The following ITGBL1 variants were observed in gnomAD, a reference collection of about 807,000 sequenced individuals.
The protein encoded by ITGBL1 is integrin subunit beta like 1.
A neutral mutation model predicts 68.5 loss-of-function variants in ITGBL1; 51 were observed. The ratio of observed to expected loss-of-function variants is 0.74; its 90% confidence interval spans 0.59 to 0.94. The LOEUF (loss-of-function observed/expected upper bound fraction) is 0.94, where lower values mean the gene tolerates loss of function less well. Ranked by LOEUF, ITGBL1 falls within the 40% of genes least tolerant of loss-of-function variation. ITGBL1 has a pLI of 0.00. For synonymous variants in ITGBL1, 209 were observed against 227.3 expected, an observed-to-expected ratio of 0.92 and a Z score of 0.72; for missense variants, 649 against 647.4, an observed-to-expected ratio of 1.00 and a Z score of -0.03.
intron 2 of ITGBL1, among the ~76,000 whole-genome samples, chr13:101,521,970 T>C (rs2049292913): frequency 6.6e-6 from 1 of 151,868 alleles, no homozygotes; most frequent in Admixed American, 6.6e-5. Flanking sequence ...GACACCACCT[T>C]CTGCTGTGAC....
At chr13:101,475,483 G>A (rs955462939) in intron 2 of ITGBL1, among the ~76,000 whole-genome samples, 2 of 151,754 alleles carry the variant, frequency 1.3e-5, no homozygotes, top group Non-Finnish European at 2.9e-5. Context: ...AGGAGAAGGG[G>A]GAGAGAGAGA....
rs1372286973 is a variant in ITGBL1 at position 101,671,452 on chromosome 13, T to TTTTTTG, written c.1016-21129_1016-21128insTGTTTT. ...TTTTTTTTTTGTTTTTTTTTGTTTTTTTTTGAGACGGAGTCTCGCTCTGTC... is the reference window on the plus strand; with the variant it reads ...TTTTTTTTTTGTTTTTTTTTGTTTTTTTTTTGTTTTGAGACGGAGTCTCGCTCTGTC... On this transcript the variant is annotated intron_variant, in intron 7 of 10. Transcript: ENST00000376180. Among the ~76,000 whole-genome samples, 94 of 134,154 alleles carry TTTTTTG rather than the reference T, an allele frequency of 7.0e-4. 1 individual carries two copies. The highest frequency in any genetic ancestry group is 2.4e-3 in the African/African-American group (93 of 38,172). The allele number at this position is 134,154 out of a possible 152,430, so 88.0% of individuals were successfully genotyped here.
At chr13:101,515,584 T>C (rs1164004604) in intron 2 of ITGBL1, among the ~76,000 whole-genome samples, 1 of 152,090 alleles carries the variant, frequency 6.6e-6, no homozygotes, top group African/African-American at 2.4e-5. Context: ...TTTTTTTTTC[T>C]TTTTCTTTCA....
chr13:101,606,907 G>T (rs1280918557), intron 7 of ITGBL1, among the ~76,000 whole-genome samples: 1 of 151,934 alleles, frequency 6.6e-6, no homozygotes, highest in Non-Finnish European at 1.5e-5. Flanking sequence ...TAGGGAATGT[G>T]GTTAAGCCAA....
chr13:101,664,625 T>C (rs1047694570), intron 7 of ITGBL1, among the ~76,000 whole-genome samples: 5 of 152,202 alleles, frequency 3.3e-5, no homozygotes, highest in African/African-American at 1.2e-4. Flanking sequence ...ACTGTAACAT[T>C]AGCCCACCAT....
At chr13:101,464,001 C>G (rs187744762) in intron 2 of ITGBL1, among the ~76,000 whole-genome samples, 1 of 151,448 alleles carries the variant, frequency 6.6e-6, no homozygotes, top group African/African-American at 2.4e-5. Flanking sequence ...CTCCACCCCC[C>G]GGATTCAAAC....
chr13:101,668,969 AAGCTGTTGCT>A (rs1186124738), intron 7 of ITGBL1, among the ~76,000 whole-genome samples: 2 of 152,174 alleles, frequency 1.3e-5, no homozygotes, highest in East Asian at 3.8e-4. Context: ...GTATATTCAT[AAGCTGTTGCT>A]ATATGACAAA....
At chr13:101,697,039 A>AT (rs60831726) in intron 8 of ITGBL1, among the ~76,000 whole-genome samples, 23,089 of 147,208 alleles carry the variant, frequency 0.16, 2,780 homozygotes, top group East Asian at 0.32. Flanking sequence ...TATCGATTTC[A>AT]TTTTTTTTTT....
At chr13:101,605,158 G>A (rs1594923248) in intron 7 of ITGBL1, among the ~76,000 whole-genome samples, 1 of 69,440 alleles carries the variant, frequency 1.4e-5, no homozygotes, top group Non-Finnish European at 3.0e-5. Flanking sequence ...ATATGTGTGT[G>A]TATATGCGTA....
intron 6 of ITGBL1, among the ~76,000 whole-genome samples, chr13:101,588,702 A>AAAAAAACCTGATGT (rs2050600876): frequency 6.6e-6 from 1 of 151,988 alleles, no homozygotes; most frequent in Non-Finnish European, 1.5e-5. Flanking sequence ...TTAAAAAAAA[A>AAAAAAACCTGATGT]AAAAAACCTG....
chr13:101,597,287 G>A (rs2030028615), intron 6 of ITGBL1, among the ~76,000 whole-genome samples: 3 of 151,922 alleles, frequency 2.0e-5, no homozygotes, highest in Non-Finnish European at 4.4e-5. Flanking sequence ...TTGTTAGCGT[G>A]CTCTATAAAT....
Position 101,579,328 on chromosome 13 carries a change from G to C in ITGBL1, c.628G>C (p.Gly210Arg). 1.2e-6 allele frequency: 2 copies of C among 1,613,922 alleles called. No individual in the cohort carries two copies. Among genetic ancestry groups the C allele is most frequent in the East Asian group, 2.2e-5 (1 of 44,858 alleles). Reference sequence around the variant, plus strand: ...CTGTGGAAACTGCTACTGCAAGGCTGGTTGGCATGGAGATAAATGTGAATT... The same window carrying C: ...CTGTGGAAACTGCTACTGCAAGGCTCGTTGGCATGGAGATAAATGTGAATT... ...CYCGNCYCKA[G>R]WHGDKCEFQC... Residue 210 changes from glycine to arginine, a missense_variant, in exon 5 of 11, where the codon GGT becomes CGT. Coordinates refer to ENST00000376180, the MANE Select transcript of ITGBL1 (RefSeq NM_004791.3).
chr13:101,517,907 G>A (rs1177176755), intron 2 of ITGBL1, among the ~76,000 whole-genome samples: 2 of 152,134 alleles, frequency 1.3e-5, no homozygotes, highest in Admixed American at 6.5e-5. Flanking sequence ...GTCCACAGTG[G>A]ATCAGTGGTG....
intron 2 of ITGBL1, among the ~76,000 whole-genome samples, chr13:101,553,138 C>G (rs1233611988): frequency 6.6e-6 from 1 of 152,166 alleles, no homozygotes; most frequent in East Asian, 1.9e-4. Flanking sequence ...GACATTTGGC[C>G]TGTTACTTAG....
intron 9 of ITGBL1, among the ~76,000 whole-genome samples, chr13:101,709,322 G>A (rs868707551): frequency 9.5e-5 from 12 of 126,276 alleles, no homozygotes; most frequent in African/African-American, 2.5e-4. Context: ...CCGAGATTGC[G>A]CCACTGCAGT....
intron 3 of ITGBL1, among the ~76,000 whole-genome samples, chr13:101,568,480 G>A (rs1331393623): frequency 6.6e-6 from 1 of 151,944 alleles, no homozygotes; most frequent in African/African-American, 2.4e-5. Context: ...TTACATTTGG[G>A]CAGGTGAAGC....
chr13:101,615,194 T>C (rs1038471230), intron 7 of ITGBL1, among the ~76,000 whole-genome samples: 2 of 152,090 alleles, frequency 1.3e-5, no homozygotes, highest in Non-Finnish European at 2.9e-5. Context: ...CTTACCTGCC[T>C]CTCTGTGTGT....
chr13:101,599,978 T>G (rs982528538), intron 7 of ITGBL1, among the ~76,000 whole-genome samples: 5 of 152,208 alleles, frequency 3.3e-5, no homozygotes, highest in African/African-American at 1.2e-4. Flanking sequence ...GTGAAGAAAG[T>G]CATTGGTAGA....
chr13:101,552,534 A>C (rs1389389979), intron 2 of ITGBL1, among the ~76,000 whole-genome samples: 1 of 152,214 alleles, frequency 6.6e-6, no homozygotes, highest in Admixed American at 6.5e-5. Context: ...TCTTGCCTTC[A>C]AGTCCTTCTA....
Sources: allele counts gnomAD v4.1 joint callset (sites outside exome capture counted in the v4.1 genomes callset), GRCh38; gene constraint gnomAD v4.1.1; transcripts MANE v1.5; gene names NCBI Gene and HGNC (gene_info 2026-07-23, HGNC 2026-07-21).